MNT: variants seen among roughly 807,000 people sequenced by gnomAD.
The protein encoded by MNT is MAX network transcriptional repressor.
Under a neutral mutation model 40.7 loss-of-function variants are expected in MNT, and 13 were observed. The observed-to-expected ratio is 0.32, with a 90% CI of 0.21 to 0.51. The LOEUF (loss-of-function observed/expected upper bound fraction) is 0.51, where lower values mean the gene tolerates loss of function less well. MNT is among the 20% of genes least tolerant of loss of function. MNT has a pLI of 0.98. For missense variants in MNT, 757 were observed against 792.0 expected (o/e 0.96, Z 0.53); for synonymous variants, 426 against 354.8 (o/e 1.20, Z -2.26).
In MNT at chr17:2,386,520, C is replaced by T; in HGVS notation, c.*381G>A. 1 of 206,302 alleles carries T rather than the reference C, an allele frequency of 4.8e-6. No homozygotes were observed. The highest frequency in any genetic ancestry group is 9.7e-6 in the Non-Finnish European group (1 of 103,024). 12.8% of individuals were successfully genotyped at this position (206,302 alleles called of 1,614,324 possible). ...AAGCCGGGGGCCTGGGCCACCTCAC[C>T]AGACAGCAATAGCAGCAGCAGCACA... On this transcript the variant is annotated 3_prime_UTR_variant, in exon 6 of 6. Transcript: ENST00000174618.
intron 1 of MNT, 24 bp downstream of exon 1, chr17:2,400,616 C>G: frequency 6.4e-7 from 1 of 1,570,360 alleles, no homozygotes. Context: ...CCCAGTGCCC[C>G]AGGGGCCCAG....
In MNT at chr17:2,386,633, G is replaced by T. The variant is rs969412813; in HGVS notation, c.*268C>A. On this transcript the variant is annotated 3_prime_UTR_variant, in exon 6 of 6. Coordinates refer to ENST00000174618, the MANE Select transcript of MNT (RefSeq NM_020310.3). ...GAGGGTAGGGAGGGGAAGCAGGAGC[G>T]GCACTGGAGCTGGCACTGGGCCGGA... is the stretch of plus-strand genomic sequence containing the variant. The T allele has an allele frequency of 4.8e-6, 2 of 416,626 alleles. No homozygotes were observed. The highest frequency in any genetic ancestry group is 1.4e-4 in the South Asian group (2 of 14,058). The allele number at this position is 416,626 out of a possible 1,614,324, so 25.8% of individuals were successfully genotyped here.
intron 4 of MNT, among the ~76,000 whole-genome samples, chr17:2,388,512 T>C (rs2066487122): frequency 6.6e-6 from 1 of 151,990 alleles, no homozygotes. Flanking sequence ...CCTCGCCCCA[T>C]CTCATCTCCA....
chr17:2,395,551 G>A (rs1351806472), intron 1 of MNT, 97 bp from the exon 2 acceptor site: 60 of 1,558,828 alleles, frequency 3.8e-5, no homozygotes, highest in Non-Finnish European at 5.2e-5. Context: ...AGTACTCAGT[G>A]ACACCCCTGC....
Position 2,395,302 on chromosome 17 carries a change from G to A in MNT, c.226C>T (p.Pro76Ser). ...GCAGGGGTGGCAAGTGGTGGTGGGGGTGCCGGCGGGGGAGCCGGTGGAGAC... is the reference window on the plus strand; with the variant it reads ...GCAGGGGTGGCAAGTGGTGGTGGGGATGCCGGCGGGGGAGCCGGTGGAGAC... ...PLSPPAPPPA[P>S]PPPLATPAPL... is the part of the protein sequence containing the mutation. Residue 76 changes from proline (P) to serine (S), a missense_variant, in exon 2 of 6, where the codon CCC becomes TCC. Physicochemically the swap from Pro to Ser is moderately conservative, Grantham distance 74. This residue lies in a region of MNT where 335 missense variants were observed against 291.4 expected (regional missense o/e 1.15). Coordinates refer to ENST00000174618, the MANE Select transcript of MNT (RefSeq NM_020310.3). 1 of 1,589,980 alleles carries A rather than the reference G, an allele frequency of 6.3e-7. No homozygotes were observed. Among genetic ancestry groups the A allele is most frequent in the South Asian group, 1.1e-5 (1 of 89,084 alleles).
Position 2,387,169 on chromosome 17 carries a change from T to G in MNT, c.1481A>C (p.His494Pro). ...ATPPIGHITV[H>P]PATLNHVAHL... ...GGCCACATGGTTGAGGGTGGCAGGG[T>G]GCACAGTGATGTGCCCAATGGGGGG... Residue 494 changes from histidine (H) to proline (P), a missense_variant, in exon 6 of 6, where the codon CAC becomes CCC. Transcript: ENST00000174618. 1.2e-6 allele frequency: 2 copies of G among 1,604,504 alleles called. No individual in the cohort carries two copies. Among genetic ancestry groups the G allele is most frequent in the East Asian group, 2.3e-5 (1 of 44,392 alleles).
chr17:2,390,143 T>C (rs2066501727), intron 4 of MNT: 1 of 152,244 alleles, frequency 6.6e-6, no homozygotes, highest in Admixed American at 6.5e-5. Flanking sequence ...GCATAGTCCG[T>C]TTAGATCCCA....
intron 1 of MNT, among the ~76,000 whole-genome samples, chr17:2,398,371 C>T (rs1054142888): frequency 6.6e-6 from 1 of 152,180 alleles, no homozygotes; most frequent in Non-Finnish European, 1.5e-5. Flanking sequence ...GGTCAGAAAC[C>T]CATGCTTGCG....
chr17:2,387,816 C>A, intron 5 of MNT, 41 bp downstream of exon 5: 1 of 1,566,256 alleles, frequency 6.4e-7, no homozygotes, highest in Non-Finnish European at 8.6e-7. Context: ...TGAGGTGTAA[C>A]ATCTGAGGGC....
chr17:2,397,613 A>C (rs2066586567), intron 1 of MNT, among the ~76,000 whole-genome samples: 1 of 152,090 alleles, frequency 6.6e-6, no homozygotes, highest in Non-Finnish European at 1.5e-5. Flanking sequence ...CTCACCCAGA[A>C]CCACGCCGGT....
intron 2 of MNT, among the ~76,000 whole-genome samples, chr17:2,394,586 G>A (rs1036259034): frequency 6.6e-6 from 1 of 152,030 alleles, no homozygotes; most frequent in Non-Finnish European, 1.5e-5. Flanking sequence ...GGACTCCTGG[G>A]ACTCAGAGGC....
chr17:2,391,116 G>C (rs926989233), intron 4 of MNT: 6 of 152,554 alleles, frequency 3.9e-5, no homozygotes, highest in Non-Finnish European at 7.3e-5. Context: ...AGCCTCCCGA[G>C]TAGCTGGGAC....
intron 4 of MNT, chr17:2,392,791 G>C (rs1300014086): frequency 6.6e-6 from 1 of 150,636 alleles, no homozygotes; most frequent in South Asian, 2.1e-4. Context: ...CAGCCAATCC[G>C]CGAGCCCGGC....
rs971220817 is a variant in MNT, at chr17:2,385,164, G to C, written c.*1737C>G. On this transcript the variant is annotated 3_prime_UTR_variant, in exon 6 of 6. Transcript: ENST00000174618. ...ACCCACACCAGGAGAGAGAAATAAG[G>C]AACAGTCCCCTGGGAGGTGTCCAGG... The C allele has an allele frequency of 2.0e-5, 3 of 152,272 alleles. No homozygotes were observed. The highest frequency in any genetic ancestry group is 4.8e-5 in the African/African-American group (2 of 41,450). 9.4% of individuals were successfully genotyped at this position (152,272 alleles called of 1,614,324 possible).
rs1252009772 is a variant in MNT, at chr17:2,384,109, T to C, written c.*2792A>G. 1 of 152,600 alleles carries C rather than the reference T, an allele frequency of 6.6e-6. No individual in the cohort carries two copies. The highest frequency in any genetic ancestry group is 1.5e-5 in the Non-Finnish European group (1 of 68,028). The allele number at this position is 152,600 out of a possible 1,614,324, so 9.5% of individuals were successfully genotyped here. A position where few individuals can be genotyped will look rare whatever the true frequency, so the allele number is the denominator to read the frequency against. On this transcript the variant is annotated 3_prime_UTR_variant, in exon 6 of 6. Transcript: ENST00000174618. ...TGCAGGTTTATTTCAGTTTTATATT[T>C]TATTCCAGGCAAGTGCTTATTACAT...
At chr17:2,394,808 C>T in intron 2 of MNT, 67 bp downstream of exon 2, 5 of 1,223,912 alleles carry the variant, frequency 4.1e-6, no homozygotes, top group Non-Finnish European at 1.2e-6. Context: ...CCTTGTCTTG[C>T]ACACAGCCCG....
intron 2 of MNT, 69 bp downstream of exon 2, chr17:2,394,806 T>C: frequency 8.3e-7 from 1 of 1,200,198 alleles, no homozygotes; most frequent in Admixed American, 2.1e-5. Context: ...CACCTTGTCT[T>C]GCACACAGCC....
Position 2,386,460 on chromosome 17 carries a change from A to C in MNT, c.*441T>G. On this transcript the variant is annotated 3_prime_UTR_variant, in exon 6 of 6. Transcript: ENST00000174618. ...GTTCTGCTTTCCCCATTTCCCCTCC[A>C]AAGGCCTGGGAAGAGAACATGAGGC... The C allele has an allele frequency of 6.0e-6, 1 of 167,694 alleles. No homozygotes were observed. 10.4% of individuals were successfully genotyped at this position (167,694 alleles called of 1,614,324 possible). A position where few individuals can be genotyped will look rare whatever the true frequency, so the allele number is the denominator to read the frequency against.
Position 2,387,868 on chromosome 17 carries a change from G to C in MNT, c.989C>G (p.Ser330Cys). Residue 330 changes from serine (S) to cysteine (C), a missense_variant, in exon 5 of 6, where the codon TCC becomes TGC. Physicochemically the swap from Ser to Cys is moderately radical, Grantham distance 112. Around this residue, in one of 4 missense-constraint regions of MNT, gnomAD observed 345 missense variants for 380.1 expected, o/e 0.91. Transcript: ENST00000174618. ...GGGCTGGGGCTCACCAGAGGCGGTGGAGGTGGAGGCCTGGTCATCCTCGGG... is the reference window on the plus strand; with the variant it reads ...GGGCTGGGGCTCACCAGAGGCGGTGCAGGTGGAGGCCTGGTCATCCTCGGG... ...GQPEDDQAST[S>C]TASEGEDNID... is the part of the protein sequence containing the mutation. 6.3e-7 allele frequency: 1 copy of C among 1,599,186 alleles called. No homozygotes were observed. The highest frequency in any genetic ancestry group is 2.2e-5 in the East Asian group (1 of 44,854).
Sources: allele counts gnomAD v4.1 joint callset (sites outside exome capture counted in the v4.1 genomes callset), GRCh38; gene constraint gnomAD v4.1.1; regional missense constraint gnomAD v4.1.1; transcripts MANE v1.5; gene names NCBI Gene and HGNC (gene_info 2026-07-23, HGNC 2026-07-21).